The following MPDZ variants were observed in gnomAD, a reference collection of about 807,000 sequenced individuals.
The protein encoded by MPDZ is multiple PDZ domain protein.
A neutral mutation model predicts 239.1 loss-of-function variants in MPDZ; 234 were observed. That is an observed-to-expected ratio of 0.98 (90% CI 0.88 to 1.09). MPDZ has a LOEUF of 1.09. Ranked by LOEUF, MPDZ falls within the 50% of genes least tolerant of loss-of-function variation. The pLI is 0.00. For missense variants in MPDZ, 3,175 were observed against 2,510.0 expected (o/e 1.26, Z -5.66); for synonymous variants, 1,048 against 881.3 (o/e 1.19, Z -3.35).
chr9:13,165,481 G>A, intron 22 of MPDZ: 2 of 1,524,794 alleles, frequency 1.3e-6, no homozygotes, highest in Non-Finnish European at 1.8e-6. Flanking sequence ...TGTGCTGAAT[G>A]TGAGATGCAT....
At chr9:13,135,207 T>A (rs565022627) in intron 31 of MPDZ, 4 of 152,232 alleles carry the variant, frequency 2.6e-5, no homozygotes, top group Non-Finnish European at 4.4e-5. Flanking sequence ...CTCATGTCAC[T>A]AAGTCAGATA....
intron 12 of MPDZ, among the ~76,000 whole-genome samples, chr9:13,204,077 T>A (rs1956718368): frequency 6.6e-6 from 1 of 152,022 alleles, no homozygotes; most frequent in Non-Finnish European, 1.5e-5. Flanking sequence ...TCATTCAAAA[T>A]TTTCAGCAGA....
Position 13,248,690 on chromosome 9 carries a change from G to C in MPDZ, c.17-889C>G, listed in dbSNP as rs139726529. 6.3e-3 allele frequency among the ~76,000 whole-genome samples: 952 copies of C among 151,752 alleles called. 3 individuals carry two copies. Among genetic ancestry groups the C allele is most frequent in the Non-Finnish European group, 8.5e-3 (575 of 67,912 alleles). On this transcript the variant is annotated intron_variant, in intron 2 of 46. Coordinates refer to ENST00000319217, the MANE Select transcript of MPDZ (RefSeq NM_001378778.1). The stretch of plus-strand genomic sequence containing the variant: ...TAATGTTAAAAAGTGGGAATCAGTG[G>C]GGCGCGGTGGCTCATGTCTGTAATC...
chr9:13,247,827 A>G, intron 2 of MPDZ, 26 bp from the exon 3 acceptor site: 3 of 1,573,850 alleles, frequency 1.9e-6, no homozygotes, highest in Non-Finnish European at 2.6e-6. Flanking sequence ...GCATTTGTCA[A>G]TAACAGGATT....
chr9:13,107,509 A>C (rs2130934720), intron 46 of MPDZ, among the ~76,000 whole-genome samples: 1 of 152,332 alleles, frequency 6.6e-6, no homozygotes. Flanking sequence ...TTAGGTAGGA[A>C]CAAAAACAGT....
intron 21 of MPDZ, among the ~76,000 whole-genome samples, chr9:13,170,966 TATCCCAA>T (rs908204674): frequency 5.9e-5 from 9 of 152,148 alleles, no homozygotes; most frequent in African/African-American, 9.7e-5. Flanking sequence ...TATTAAAGAA[TATCCCAA>T]ATCCCAAATC....
At chr9:13,151,141 AACACACAC>A (rs113800698) in intron 24 of MPDZ, among the ~76,000 whole-genome samples, 27 of 150,590 alleles carry the variant, frequency 1.8e-4, no homozygotes, top group Non-Finnish European at 3.4e-4. Context: ...ACCTACTAAA[AACACACAC>A]ACACACACAC....
At chr9:13,134,957 T>G (rs561287586) in intron 31 of MPDZ, 1 of 152,428 alleles carries the variant, frequency 6.6e-6, no homozygotes, top group East Asian at 1.9e-4. Flanking sequence ...CACATGATTC[T>G]GCCCTTGGCC....
chr9:13,133,192 T>C (rs1422094328), intron 32 of MPDZ, among the ~76,000 whole-genome samples: 1 of 152,020 alleles, frequency 6.6e-6, no homozygotes, highest in Non-Finnish European at 1.5e-5. Context: ...AGAGCAGAAA[T>C]CAGAAAGGGA....
At position 13,158,018 on chromosome 9, in the gene MPDZ, C is replaced by T. The variant is rs367828845; in HGVS notation, c.3452G>A (p.Arg1151Gln). The T allele has an allele frequency of 4.5e-5, 72 of 1,611,378 alleles. No individual in the cohort carries two copies. Among genetic ancestry groups the T allele is most frequent in the Middle Eastern group, 1.6e-4 (1 of 6,078 alleles). Residue 1151 changes from arginine to glutamine, a missense_variant and splice_region_variant, in exon 24 of 47, where the codon CGG becomes CAG. By Grantham distance (43) the Arg-to-Gln change is conservative (BLOSUM62 1). Coordinates refer to ENST00000319217, the MANE Select transcript of MPDZ (RefSeq NM_001378778.1). ...TAYSNWNQPR[R>Q]VELWREPSKS... ...GACAGAAGACAGAAATAGTCCTTAC[C>T]GCCTGGGCTGATTCCAATTGCTATA...
At chr9:13,257,937 T>C (rs1029134553) in intron 1 of MPDZ, among the ~76,000 whole-genome samples, 3 of 152,176 alleles carry the variant, frequency 2.0e-5, no homozygotes, top group African/African-American at 7.2e-5. Flanking sequence ...CATGCTAGCT[T>C]AGAAATAACA....
intron 32 of MPDZ, among the ~76,000 whole-genome samples, chr9:13,133,296 T>C (rs1414022295): frequency 3.3e-5 from 5 of 152,154 alleles, no homozygotes; most frequent in African/African-American, 1.2e-4. Flanking sequence ...AAAAAGACTT[T>C]AATAACTTCT....
At chr9:13,115,599 T>C (rs1943276109) in intron 39 of MPDZ, among the ~76,000 whole-genome samples, 2 of 152,034 alleles carry the variant, frequency 1.3e-5, no homozygotes, top group Admixed American at 6.6e-5. Flanking sequence ...CAAAAAGAAA[T>C]GGAGAATTGA....
chr9:13,168,999 T>C (rs1026372644), intron 21 of MPDZ, among the ~76,000 whole-genome samples: 5 of 152,168 alleles, frequency 3.3e-5, no homozygotes, highest in Non-Finnish European at 7.4e-5. Flanking sequence ...TAATTCTTTA[T>C]CACTTGTTTA....
Position 13,139,762 on chromosome 9 carries a change from A to G in MPDZ, c.4003+225T>C, listed in dbSNP as rs559540362. ...CCTTATTAATTCTCATACAAAAGGC[A>G]GAGTGAGCTTTAACAGCACTTTTAA... On this transcript the variant is annotated intron_variant, in intron 28 of 46. Transcript: ENST00000319217. 5 of 534,550 alleles carry G rather than the reference A, an allele frequency of 9.4e-6. No individual in the cohort carries two copies. The African/African-American group carries it at 9.5e-5, about 10-fold the overall frequency. 33.1% of individuals were successfully genotyped at this position (534,550 alleles called of 1,614,324 possible). A position where few individuals can be genotyped will look rare whatever the true frequency, so the allele number is the denominator to read the frequency against.
At position 13,250,333 on chromosome 9, in the gene MPDZ, G is replaced by A. The variant is rs957092940; in HGVS notation, c.-18C>T. On this transcript the variant is annotated 5_prime_UTR_variant, in exon 2 of 47. Coordinates refer to ENST00000319217, the MANE Select transcript of MPDZ (RefSeq NM_001378778.1). ...TCCAACATTTTTTTCAAAGTTCAGTGTTCTTCTCTGAAATGATTAACAGCA... is the reference window on the plus strand; with the variant it reads ...TCCAACATTTTTTTCAAAGTTCAGTATTCTTCTCTGAAATGATTAACAGCA... 8.2e-6 allele frequency: 13 copies of A among 1,581,738 alleles called. No homozygotes were observed. The Admixed American group carries it at 1.1e-4, about 13-fold the overall frequency.
chr9:13,195,235 C>A (rs1373724590), intron 13 of MPDZ, among the ~76,000 whole-genome samples: 3 of 152,088 alleles, frequency 2.0e-5, no homozygotes, highest in Non-Finnish European at 4.4e-5. Flanking sequence ...CTGCAGTGAG[C>A]CATGACTGCA....
At chr9:13,156,208 G>C (rs1238153044) in intron 24 of MPDZ, among the ~76,000 whole-genome samples, 1 of 152,142 alleles carries the variant, frequency 6.6e-6, no homozygotes, top group East Asian at 1.9e-4. Flanking sequence ...TCATTTTACA[G>C]ATAAAGTAGC....
At chr9:13,229,053 T>C (rs1281645017) in intron 3 of MPDZ, among the ~76,000 whole-genome samples, 1 of 152,094 alleles carries the variant, frequency 6.6e-6, no homozygotes, top group African/African-American at 2.4e-5. Context: ...GCAGGTGTGC[T>C]AGGAGAGCTG....
Sources: gnomAD v4.1 joint callset for allele counts (sites outside exome capture counted in the v4.1 genomes callset) on GRCh38, gnomAD v4.1.1 for gene constraint, MANE v1.5 for transcripts, NCBI Gene and HGNC (gene_info 2026-07-23, HGNC 2026-07-21) for gene names.